SLCO1A2: variants seen among roughly 807,000 people sequenced by gnomAD.
SLCO1A2 encodes the protein solute carrier organic anion transporter family member 1A2.
SLCO1A2 carries 67 observed loss-of-function variants against 69.0 expected under a neutral mutation model. The observed-to-expected ratio is 0.97, with a 90% CI of 0.80 to 1.19. SLCO1A2 has a LOEUF of 1.19. SLCO1A2 is among the 50% of genes most tolerant of loss of function. The pLI is 0.00. For synonymous variants in SLCO1A2, 260 were observed against 265.9 expected (o/e 0.98, Z 0.22); for missense variants, 787 against 793.7 (o/e 0.99, Z 0.10).
chr12:21,364,705 G>C (rs1167735498), intron 2 of SLCO1A2, among the ~76,000 whole-genome samples: 1 of 152,120 alleles, frequency 6.6e-6, no homozygotes, highest in African/African-American at 2.4e-5. Flanking sequence ...AAAATCTCAG[G>C]ATACAAACTC....
intron 2 of SLCO1A2, among the ~76,000 whole-genome samples, chr12:21,365,505 A>C (rs971158784): frequency 1.3e-5 from 2 of 152,232 alleles, no homozygotes; most frequent in Admixed American, 6.5e-5. Context: ...TTTATGACTA[A>C]AACACCAAAA....
chr12:21,363,761 A>G (rs977572608), intron 2 of SLCO1A2, among the ~76,000 whole-genome samples: 1 of 152,230 alleles, frequency 6.6e-6, no homozygotes, highest in African/African-American at 2.4e-5. Context: ...AGAGAATACT[A>G]TAAACACCTC....
chr12:21,295,426 A>C, intron 10 of SLCO1A2, 171 bp downstream of exon 10: 6 of 577,384 alleles, frequency 1.0e-5, no homozygotes, highest in Admixed American at 3.2e-5. Flanking sequence ...TAATAAGCCT[A>C]GAGCTTGGAT....
At chr12:21,409,341 C>T (rs1037878426) in intron 1 of SLCO1A2, among the ~76,000 whole-genome samples, 8 of 152,262 alleles carry the variant, frequency 5.3e-5, no homozygotes, top group Middle Eastern at 6.8e-3. Flanking sequence ...TAGTATAAAA[C>T]TAGGGTCAGC....
At chr12:21,357,139 T>C (rs1938431590) in intron 2 of SLCO1A2, among the ~76,000 whole-genome samples, 1 of 152,134 alleles carries the variant, frequency 6.6e-6, no homozygotes, top group Non-Finnish European at 1.5e-5. Context: ...GCAAAATGCA[T>C]CTGTTGAAGT....
chr12:21,414,232 G>A (rs1941956266), intron 1 of SLCO1A2, among the ~76,000 whole-genome samples: 2 of 151,298 alleles, frequency 1.3e-5, no homozygotes, highest in Non-Finnish European at 2.9e-5. Context: ...CTCTGTTCTG[G>A]GAACAAAAGT....
At chr12:21,354,581 A>C (rs1938213910) in intron 2 of SLCO1A2, among the ~76,000 whole-genome samples, 1 of 152,126 alleles carries the variant, frequency 6.6e-6, no homozygotes, top group Admixed American at 6.5e-5. Context: ...TGATACATTG[A>C]ATCTATATTA....
intron 1 of SLCO1A2, among the ~76,000 whole-genome samples, chr12:21,391,266 T>C (rs1287775079): frequency 6.6e-6 from 1 of 152,178 alleles, no homozygotes; most frequent in South Asian, 2.1e-4. Flanking sequence ...AATACCCATT[T>C]ATAGAGGAGC....
chr12:21,321,184 C>G (rs961039723), intron 2 of SLCO1A2, among the ~76,000 whole-genome samples: 1 of 152,158 alleles, frequency 6.6e-6, no homozygotes, highest in African/African-American at 2.4e-5. Flanking sequence ...AATTCCCTCC[C>G]CCATGCATAC....
At chr12:21,407,821 G>GA (rs71043274) in intron 1 of SLCO1A2, among the ~76,000 whole-genome samples, 32 of 110,010 alleles carry the variant, frequency 2.9e-4, no homozygotes, top group African/African-American at 9.7e-4. Context: ...AAAAATAAAT[G>GA]AAAAAAAAAA....
rs765308366 is a variant in SLCO1A2, at chr12:21,267,909, A to G, written c.*1639T>C. Reference sequence around the variant, plus strand: ...CTGCAGTCATACCTACATCAAAGTTAAACTCCCCCTTTCCAATGATTTTAG... The same window carrying G: ...CTGCAGTCATACCTACATCAAAGTTGAACTCCCCCTTTCCAATGATTTTAG... On this transcript the variant is annotated 3_prime_UTR_variant, in exon 15 of 15. Transcript: ENST00000683939. The G allele has an allele frequency of 1.1e-4, 16 of 152,048 alleles. No homozygotes were observed. The highest frequency in any genetic ancestry group is 1.8e-4 in the Non-Finnish European group (12 of 67,996). The allele number at this position is 152,048 out of a possible 1,614,324, so 9.4% of individuals were successfully genotyped here. A position where few individuals can be genotyped will look rare whatever the true frequency, so the allele number is the denominator to read the frequency against.
At chr12:21,271,157 T>A (rs891682059) in intron 14 of SLCO1A2, among the ~76,000 whole-genome samples, 1 of 151,836 alleles carries the variant, frequency 6.6e-6, no homozygotes, top group Non-Finnish European at 1.5e-5. Context: ...TCTGAGTGAA[T>A]ATCACATTTT....
At chr12:21,406,057 T>C (rs768002205) in intron 1 of SLCO1A2, among the ~76,000 whole-genome samples, 15 of 152,352 alleles carry the variant, frequency 9.8e-5, no homozygotes, top group Middle Eastern at 3.4e-3. Context: ...TTACTACTCA[T>C]GGATTTTGTC....
intron 2 of SLCO1A2, among the ~76,000 whole-genome samples, chr12:21,327,040 A>T (rs1952292430): frequency 6.6e-6 from 1 of 152,088 alleles, no homozygotes; most frequent in Admixed American, 6.5e-5. Context: ...ACAGGCCCAG[A>T]GGCCTAGGAG....
intron 1 of SLCO1A2, among the ~76,000 whole-genome samples, chr12:21,392,598 C>T (rs11830214): frequency 0.019 from 2,917 of 152,262 alleles, 110 homozygotes; most frequent in African/African-American, 0.063. Context: ...TCTACAGAAA[C>T]GACTTTTATT....
chr12:21,321,221 C>G (rs1383368027), intron 2 of SLCO1A2, among the ~76,000 whole-genome samples: 2 of 152,200 alleles, frequency 1.3e-5, no homozygotes, highest in African/African-American at 4.8e-5. Context: ...CTGCTCGATT[C>G]TTTCTCTCTT....
intron 8 of SLCO1A2, among the ~76,000 whole-genome samples, chr12:21,299,851 C>G (rs1243202748): frequency 8.0e-6 from 1 of 124,446 alleles, no homozygotes; most frequent in African/African-American, 3.2e-5. Flanking sequence ...TATATATATA[C>G]GTGTATATAT....
intron 5 of SLCO1A2, 135 bp downstream of exon 5, chr12:21,306,747 C>G: frequency 1.8e-6 from 1 of 550,046 alleles, no homozygotes; most frequent in Non-Finnish European, 3.3e-6. Context: ...ATTGTAACTC[C>G]TTTGGAAGTT....
chr12:21,349,286 A>G (rs1937742395), intron 2 of SLCO1A2, among the ~76,000 whole-genome samples: 1 of 152,072 alleles, frequency 6.6e-6, no homozygotes. Flanking sequence ...GGGGAGGGGG[A>G]AAGATAGAGA....
Sources: gnomAD v4.1 joint callset for allele counts (sites outside exome capture counted in the v4.1 genomes callset) on GRCh38, gnomAD v4.1.1 for gene constraint, MANE v1.5 for transcripts, NCBI Gene and HGNC (gene_info 2026-07-23, HGNC 2026-07-21) for gene names.